The following HDAC4 variants were observed in gnomAD, a reference collection of about 807,000 sequenced individuals.
HDAC4 encodes histone deacetylase 4.
In HDAC4, 16 loss-of-function variants were observed where a neutral mutation model predicts 135.1. The observed-to-expected ratio is 0.12, with a 90% CI of 0.08 to 0.18. The LOEUF is 0.18. Among genes scored for constraint, HDAC4 ranks in the 10% least tolerant of loss-of-function variants. The pLI, the probability that HDAC4 is intolerant of heterozygous loss-of-function variation, is 1.00. For synonymous variants in HDAC4, 685 were observed against 653.4 expected (o/e 1.05, Z -0.74); for missense variants, 1,143 against 1,511.8 (o/e 0.76, Z 4.05).
chr2:239,379,866 GGCTCAGCACCTGCAC>G (rs1461904064), intron 1 of HDAC4, among the ~76,000 whole-genome samples: 2 of 152,206 alleles, frequency 1.3e-5, no homozygotes, highest in Non-Finnish European at 2.9e-5. Flanking sequence ...CACCAAGCCA[GGCTCAGCACCTGCAC>G]GCAGACACTG....
chr2:239,059,182 A>G (rs368576005), intron 24 of HDAC4, among the ~76,000 whole-genome samples: 1 of 152,364 alleles, frequency 6.6e-6, no homozygotes. Context: ...ACGATGTGAG[A>G]TGCGGCTGGA....
chr2:239,199,778 GGCTGGAGT>G (rs1212628273), intron 3 of HDAC4, among the ~76,000 whole-genome samples: 1 of 151,440 alleles, frequency 6.6e-6, no homozygotes, highest in Non-Finnish European at 1.5e-5. Context: ...CTGTCACCCA[GGCTGGAGT>G]GCAGTGGCAC....
rs780456139 is a variant in HDAC4 at position 239,146,236 on chromosome 2, A to G, written c.734-1522T>C. The stretch of plus-strand genomic sequence containing the variant: ...GCCATTATTCAAAAGACAAAACAAA[A>G]CCAAAAAAAACAAGCCAAAAAACCC... On this transcript the variant is annotated intron_variant, in intron 7 of 26. Coordinates refer to ENST00000543185, the MANE Select transcript of HDAC4 (RefSeq NM_001378414.1). The surrounding 1 kb of genome is among the most constrained non-coding windows in gnomAD (Gnocchi z 4.5). Among the ~76,000 whole-genome samples the G allele has an allele frequency of 3.3e-5, 5 of 152,074 alleles. No individual in the cohort carries two copies. The highest frequency in any genetic ancestry group is 7.4e-5 in the Non-Finnish European group (5 of 68,010).
intron 2 of HDAC4, among the ~76,000 whole-genome samples, chr2:239,281,627 C>T (rs1275523018): frequency 6.6e-6 from 1 of 150,612 alleles, no homozygotes; most frequent in Non-Finnish European, 1.5e-5. Context: ...AATGTACACA[C>T]CACTCTACAA....
Position 239,143,634 on chromosome 2 carries a change from C to T in HDAC4, c.865+949G>A, listed in dbSNP as rs1042438993. ...CCTCAAGTAGAGAGGGGACAGGGCA[C>T]GAGAAACAGGCAGGGCCCTGTATTT... On this transcript the variant is annotated intron_variant, in intron 8 of 26. Coordinates refer to ENST00000543185, the MANE Select transcript of HDAC4 (RefSeq NM_001378414.1). Among the ~76,000 whole-genome samples, 9 of 152,190 alleles carry T rather than the reference C, an allele frequency of 5.9e-5. 1 individual carries two copies. Among genetic ancestry groups the T allele is most frequent in the East Asian group, 5.8e-4 (3 of 5,192 alleles).
chr2:239,357,515 T>C (rs1445518432), intron 1 of HDAC4, among the ~76,000 whole-genome samples: 3 of 151,112 alleles, frequency 2.0e-5, no homozygotes, highest in Non-Finnish European at 4.4e-5. Context: ...TAAAAGCTGA[T>C]TCTTTGAGAC....
At chr2:239,102,444 G>A (rs1276429807) in intron 16 of HDAC4, among the ~76,000 whole-genome samples, 1 of 152,224 alleles carries the variant, frequency 6.6e-6, no homozygotes, top group Non-Finnish European at 1.5e-5. Context: ...TTAAAGCGGA[G>A]CTCAAAACAA....
chr2:239,370,979 C>CCAATAAAG (rs75168560), intron 1 of HDAC4, among the ~76,000 whole-genome samples: 37,164 of 152,050 alleles, frequency 0.24, 5,398 homozygotes, highest in Non-Finnish European at 0.34. Flanking sequence ...TTTGGAGCCA[C>CCAATAAAG]TGATGTGCAG....
intron 19 of HDAC4, among the ~76,000 whole-genome samples, 192 bp from the exon 20 acceptor site, chr2:239,084,434 C>T (rs2035664215): frequency 6.6e-6 from 1 of 150,602 alleles, no homozygotes; most frequent in Admixed American, 6.7e-5. Flanking sequence ...GTACACACCC[C>T]ACATGCAGAC....
intron 6 of HDAC4, among the ~76,000 whole-genome samples, chr2:239,160,243 T>C (rs182642623): frequency 6.6e-6 from 1 of 152,214 alleles, no homozygotes; most frequent in African/African-American, 2.4e-5. Context: ...CAACTTATAA[T>C]CGATATAAAC....
At chr2:239,323,560 TGTGCA>T (rs1188073839) in intron 2 of HDAC4, among the ~76,000 whole-genome samples, 8 of 152,214 alleles carry the variant, frequency 5.3e-5, no homozygotes, top group African/African-American at 1.2e-4. Context: ...TGGAAGGCAC[TGTGCA>T]GTGCTAGGTG....
intron 5 of HDAC4, among the ~76,000 whole-genome samples, chr2:239,175,370 G>A (rs1291866871): frequency 2.0e-5 from 3 of 152,226 alleles, no homozygotes; most frequent in Admixed American, 6.5e-5. Context: ...CACTGGCGAC[G>A]CTGGGCACCG....
chr2:239,315,021 C>T (rs2053057837), intron 2 of HDAC4, among the ~76,000 whole-genome samples: 2 of 152,204 alleles, frequency 1.3e-5, no homozygotes, highest in Non-Finnish European at 2.9e-5. Context: ...AAGCCTGCTA[C>T]CCGGAGGCTT....
chr2:239,284,645 C>T (rs1427001470), intron 2 of HDAC4, among the ~76,000 whole-genome samples: 1 of 152,188 alleles, frequency 6.6e-6, no homozygotes, highest in Non-Finnish European at 1.5e-5. Flanking sequence ...ACACACAGAG[C>T]AGGCCACCAC....
At chr2:239,323,132 T>C (rs1384595851) in intron 2 of HDAC4, among the ~76,000 whole-genome samples, 2 of 152,228 alleles carry the variant, frequency 1.3e-5, no homozygotes, top group Non-Finnish European at 2.9e-5. Context: ...AGGTGTTATT[T>C]ACTATACAAA....
intron 24 of HDAC4, among the ~76,000 whole-genome samples, chr2:239,057,426 G>A (rs1389605928): frequency 6.6e-6 from 1 of 151,852 alleles, no homozygotes; most frequent in Non-Finnish European, 1.5e-5. Flanking sequence ...CCCAAGCCAG[G>A]GGCAAAAAAA....
rs535489740 is a variant in HDAC4 at position 239,307,131 on chromosome 2, C to T, written c.22+45547G>A. 6.6e-6 allele frequency among the ~76,000 whole-genome samples: 1 copy of T among 152,176 alleles called. No homozygotes were observed. Among genetic ancestry groups the T allele is most frequent in the African/African-American group, 2.4e-5 (1 of 41,532 alleles). On this transcript the variant is annotated intron_variant, in intron 2 of 26. Coordinates refer to ENST00000543185, the MANE Select transcript of HDAC4 (RefSeq NM_001378414.1). The surrounding 1 kb of genome is among the most constrained non-coding windows in gnomAD (Gnocchi z 4.8). ...CCACACCCTCCAGCTCTGTGCCTGC[C>T]GTCCATCCTGGGTGCCCACGAGGGG... is the stretch of plus-strand genomic sequence containing the variant.
In HDAC4 at chr2:239,126,374, G is replaced by A. The variant is rs553648533; in HGVS notation, c.1533+82C>T. 119 of 1,606,920 alleles carry A rather than the reference G, an allele frequency of 7.4e-5. 2 individuals are homozygous for A. The African/African-American group carries it at 1.1e-3, about 15-fold the overall frequency. On this transcript the variant is annotated intron_variant, in intron 12 of 26. Coordinates refer to ENST00000543185, the MANE Select transcript of HDAC4 (RefSeq NM_001378414.1). ...TCCTGGCCTCCCTTAAGGTCAGAAA[G>A]GGGCCAGTGCTGAAGCCTGAGGCTG...
chr2:239,322,126 CCAAT>C (rs2053336757), intron 2 of HDAC4, among the ~76,000 whole-genome samples: 1 of 152,248 alleles, frequency 6.6e-6, no homozygotes, highest in Non-Finnish European at 1.5e-5. Flanking sequence ...TGGCTCATGA[CCAAT>C]CAGAGGCCAA....
Sources: gnomAD v4.1 joint callset for allele counts (sites outside exome capture counted in the v4.1 genomes callset) on GRCh38, gnomAD v4.1.1 for gene constraint, Gnocchi (gnomAD v3.1) non-coding constraint, MANE v1.5 for transcripts, NCBI Gene and HGNC (gene_info 2026-07-23, HGNC 2026-07-21) for gene names.